CSF2RB: variants seen among roughly 807,000 people sequenced by gnomAD.
CSF2RB encodes the protein cytokine receptor common subunit beta.
CSF2RB carries 22 observed loss-of-function variants against 67.2 expected under a neutral mutation model. That is an observed-to-expected ratio of 0.33 (90% confidence interval 0.23 to 0.47). The LOEUF (loss-of-function observed/expected upper bound fraction) is 0.47, where lower values mean the gene tolerates loss of function less well. Ranked by LOEUF, CSF2RB falls within the 20% of genes least tolerant of loss-of-function variation. The pLI is 1.00. For missense variants in CSF2RB, 1,113 were observed against 1,174.5 expected (o/e 0.95, Z 0.76); for synonymous variants, 507 against 482.9 (o/e 1.05, Z -0.65).
chr22:36,936,416 C>G (rs531325406), intron 12 of CSF2RB, 133 bp from the exon 13 acceptor site: 154 of 743,634 alleles, frequency 2.1e-4, no homozygotes, highest in African/African-American at 1.1e-3. Context: ...AGGCCGTGGC[C>G]AGTCCTGAAG....
rs2145832086 is a variant in CSF2RB at position 36,939,450 on chromosome 22, C to T, written c.*948C>T. On this transcript the variant is annotated 3_prime_UTR_variant, in exon 14 of 14. Coordinates refer to ENST00000403662, the MANE Select transcript of CSF2RB (RefSeq NM_000395.3). ...CTTCCAGATAGACCAGGCAACTCTCCCTCCCACCGGCCACAGATGAGGGGC... is the reference window on the plus strand; with the variant it reads ...CTTCCAGATAGACCAGGCAACTCTCTCTCCCACCGGCCACAGATGAGGGGC... 1.8e-6 allele frequency: 1 copy of T among 559,292 alleles called. No homozygotes were observed. Among genetic ancestry groups the T allele is most frequent in the Admixed American group, 3.0e-5 (1 of 33,180 alleles). The allele number at this position is 559,292 out of a possible 1,614,324, so 34.6% of individuals were successfully genotyped here. A position where few individuals can be genotyped will look rare whatever the true frequency, so the allele number is the denominator to read the frequency against.
intron 13 of CSF2RB, 58 bp downstream of exon 13, chr22:36,936,710 A>T: frequency 6.9e-7 from 1 of 1,457,384 alleles, no homozygotes; most frequent in Non-Finnish European, 9.5e-7. Context: ...GGCTGACTCC[A>T]TTGTGGAAAT....
intron 6 of CSF2RB, 73 bp downstream of exon 6, chr22:36,929,880 G>A (rs1252130074): frequency 1.9e-6 from 3 of 1,548,084 alleles, no homozygotes; most frequent in Non-Finnish European, 2.6e-6. Flanking sequence ...GGCACAGCAG[G>A]GTTCCTGGGC....
At position 36,938,305 on chromosome 22, in the gene CSF2RB, C is replaced by G. The variant is rs1295620200; in HGVS notation, c.2497C>G (p.Leu833Val). 1.2e-6 allele frequency: 2 copies of G among 1,614,250 alleles called. No homozygotes were observed. The highest frequency in any genetic ancestry group is 1.7e-6 in the Non-Finnish European group (2 of 1,180,040). Residue 833 changes from leucine to valine, a missense_variant, in exon 14 of 14, where the codon CTC becomes GTC. By Grantham distance (32) the Leu-to-Val change is conservative. Transcript: ENST00000403662. ...CFLPGLGPGP[L>V]SLRSKPSSPG... ...CCTCCCCGGCCTGGGGCCCGGCCCT[C>G]TCTCGCTCCGGAGTAAACCTTCTTC... is the stretch of plus-strand genomic sequence containing the variant.
rs1480686809 is a variant in CSF2RB, at chr22:36,937,215, G to A, written c.1569-162G>A. Among the ~76,000 whole-genome samples the A allele has an allele frequency of 6.6e-6, 1 of 152,032 alleles. No homozygotes were observed. The highest frequency in any genetic ancestry group is 2.4e-5 in the African/African-American group (1 of 41,376). On this transcript the variant is annotated intron_variant, in intron 13 of 13. Transcript: ENST00000403662. This position sits in a 1 kb window ranked among gnomAD's most constrained non-coding sequence, Gnocchi z 4.6. ...TCCATGTCCCATGTCCTTCTCTGGG[G>A]CCCCTGCTCCCTCAACCCTGTCCCG...
chr22:36,923,248 C>T lies in CSF2RB; in HGVS notation c.81C>T (p.Thr27=), dbSNP rs1212725780. The T allele has an allele frequency of 3.1e-6, 5 of 1,614,078 alleles. No homozygotes were observed. The highest frequency in any genetic ancestry group is 3.4e-6 in the Non-Finnish European group (4 of 1,180,038). ...CCCTTCTACCCCTCTTGTCAGAAAC[C>T]ATCCCGCTGCAGACCCTGCGCTGCT... ...WERSLAGAEE[T]IPLQTLRCYN... The change falls in exon 3 of 14, where the codon ACC becomes ACT. Residue 27 remains threonine, a synonymous_variant. Coordinates refer to ENST00000403662, the MANE Select transcript of CSF2RB (RefSeq NM_000395.3).
chr22:36,930,657 C>A lies in CSF2RB; in HGVS notation c.855-16C>A. 6.2e-7 allele frequency: 1 copy of A among 1,612,236 alleles called. No individual in the cohort carries two copies. The highest frequency in any genetic ancestry group is 1.3e-5 in the African/African-American group (1 of 75,002). The stretch of plus-strand genomic sequence containing the variant: ...GCCCTCCCTCTCCCTGCCCTCAGCT[C>A]TGCTGTGCTCCTCAGGGAGGAAGAG... On this transcript the variant is annotated splice_polypyrimidine_tract_variant and intron_variant, in intron 7 of 13. Transcript: ENST00000403662.
In CSF2RB at chr22:36,938,255, T is replaced by C. The variant is rs1329832643; in HGVS notation, c.2447T>C (p.Leu816Pro). 6.2e-7 allele frequency: 1 copy of C among 1,614,172 alleles called. No homozygotes were observed. Among genetic ancestry groups the C allele is most frequent in the East Asian group, 2.2e-5 (1 of 44,886 alleles). Residue 816 changes from leucine to proline, a missense_variant, in exon 14 of 14, where the codon CTG becomes CCG. Physicochemically the swap from Leu to Pro is moderately conservative, Grantham distance 98 (BLOSUM62 -3). Around this residue, in one of 2 missense-constraint regions of CSF2RB, gnomAD observed 554 missense variants for 517.9 expected, o/e 1.07. Transcript: ENST00000403662. ...TSPQPEGLLV[L>P]QQVGDYCFLP... ...CCACAGCCCGAGGGCCTCCTTGTCC[T>C]GCAGCAAGTGGGCGACTATTGCTTC...
intron 6 of CSF2RB, 95 bp downstream of exon 6, chr22:36,929,902 G>C (rs1427954602): frequency 6.7e-7 from 1 of 1,484,648 alleles, no homozygotes; most frequent in Non-Finnish European, 9.1e-7. Context: ...CCACCTGGGG[G>C]CTTCCCAGAT....
chr22:36,915,305 G>A (rs1057032766), intron 1 of CSF2RB, among the ~76,000 whole-genome samples: 4 of 151,958 alleles, frequency 2.6e-5, no homozygotes, highest in African/African-American at 4.8e-5. Context: ...GGCTGGTCTC[G>A]AACTCCTGAC....
In CSF2RB at chr22:36,939,149, G is replaced by C. The variant is rs995555345; in HGVS notation, c.*647G>C. ...TTGGGGGTCGGGGGGGCGGTGCAAG[G>C]GACGCACATGAGAGACTGTTTGGGA... On this transcript the variant is annotated 3_prime_UTR_variant, in exon 14 of 14. Coordinates refer to ENST00000403662, the MANE Select transcript of CSF2RB (RefSeq NM_000395.3). The C allele has an allele frequency of 1.4e-6, 1 of 702,264 alleles. No individual in the cohort carries two copies. The highest frequency in any genetic ancestry group is 2.6e-6 in the Non-Finnish European group (1 of 384,808). 43.5% of individuals were successfully genotyped at this position (702,264 alleles called of 1,614,324 possible). A position where few individuals can be genotyped will look rare whatever the true frequency, so the allele number is the denominator to read the frequency against.
In CSF2RB at chr22:36,937,295, C is replaced by G. The variant is rs1168968526; in HGVS notation, c.1569-82C>G. 2 of 1,541,088 alleles carry G rather than the reference C, an allele frequency of 1.3e-6. No individual in the cohort carries two copies. The highest frequency in any genetic ancestry group is 1.7e-5 in the Admixed American group (1 of 59,486). On this transcript the variant is annotated intron_variant, in intron 13 of 13. Transcript: ENST00000403662. This position sits in a 1 kb window ranked among gnomAD's most constrained non-coding sequence, Gnocchi z 4.6. Reference sequence around the variant, plus strand: ...CATCAGGGCTTCCAGAGAACCATCTCCACCCCACCAAGACCCTTGTGCCTG... The same window carrying G: ...CATCAGGGCTTCCAGAGAACCATCTGCACCCCACCAAGACCCTTGTGCCTG...
chr22:36,923,324 G>A lies in CSF2RB; in HGVS notation c.157G>A (p.Ala53Thr). Residue 53 changes from alanine to threonine, a missense_variant, in exon 3 of 14, where the codon GCC becomes ACC. Ala to Thr is a moderately conservative substitution (Grantham distance 58). This residue lies in a region of CSF2RB where 559 missense variants were observed against 656.5 expected (regional missense o/e 0.85). Coordinates refer to ENST00000403662, the MANE Select transcript of CSF2RB (RefSeq NM_000395.3). ...ITCRWADTQD[A>T]QRLVNVTLIR... The stretch of plus-strand genomic sequence containing the variant: ...CTGCAGGTGGGCAGACACCCAGGAT[G>A]CCCAGCGGCTCGTCAACGTGACCCT... 1 of 1,614,210 alleles carries A rather than the reference G, an allele frequency of 6.2e-7. No individual in the cohort carries two copies. Among genetic ancestry groups the A allele is most frequent in the African/African-American group, 1.3e-5 (1 of 75,052 alleles).
rs145721314 is a variant in CSF2RB at position 36,937,854 on chromosome 22, G to A, written c.2046G>A (p.Arg682=). 2 of 1,613,782 alleles carry A rather than the reference G, an allele frequency of 1.2e-6. No individual in the cohort carries two copies. The highest frequency in any genetic ancestry group is 2.2e-5 in the South Asian group (2 of 91,042). ...CTGCCCCTCCTGCTCTTGGGCCAAGGGTGGGAGGACAGGACCAAAAGGACA... is the reference window on the plus strand; with the variant it reads ...CTGCCCCTCCTGCTCTTGGGCCAAGAGTGGGAGGACAGGACCAAAAGGACA... ...GGPAPPALGP[R]VGGQDQKDSP... is the part of the protein sequence containing the mutation. Residue 682 remains arginine, a synonymous_variant, in exon 14 of 14, where the codon AGG becomes AGA. Transcript: ENST00000403662. The surrounding 1 kb of genome is among the most constrained non-coding windows in gnomAD (Gnocchi z 4.6).
intron 1 of CSF2RB, among the ~76,000 whole-genome samples, chr22:36,914,578 G>C (rs140477504): frequency 2.0e-5 from 3 of 152,220 alleles, no homozygotes; most frequent in Non-Finnish European, 4.4e-5. Context: ...GTGCAGGTGT[G>C]TGTACTGGCC....
rs1941342712 is a variant in CSF2RB, at chr22:36,939,416, G to A, written c.*914G>A. The A allele has an allele frequency of 3.3e-6, 2 of 605,990 alleles. No individual in the cohort carries two copies. Among genetic ancestry groups the A allele is most frequent in the African/African-American group, 3.7e-5 (2 of 54,250 alleles). 37.5% of individuals were successfully genotyped at this position (605,990 alleles called of 1,614,324 possible). A position where few individuals can be genotyped will look rare whatever the true frequency, so the allele number is the denominator to read the frequency against. On this transcript the variant is annotated 3_prime_UTR_variant, in exon 14 of 14. Transcript: ENST00000403662. ...AGGGCCTTTGGTCCAAATGGCCCGG[G>A]TGGCCACTCTTCCAGATAGACCAGG...
intron 3 of CSF2RB, 31 bp from the exon 4 acceptor site, chr22:36,925,955 AC>A: frequency 1.2e-6 from 2 of 1,613,108 alleles, no homozygotes; most frequent in Admixed American, 3.3e-5. Context: ...ATACCCATAC[AC>A]CCTGGGCTAA....
chr22:36,933,443 C>T (rs1941199664), intron 9 of CSF2RB, among the ~76,000 whole-genome samples: 1 of 152,220 alleles, frequency 6.6e-6, no homozygotes, highest in African/African-American at 2.4e-5. Context: ...GGAGCGGGCC[C>T]TGGGGTCCTG....
chr22:36,918,174 T>C (rs1185954520), intron 1 of CSF2RB, among the ~76,000 whole-genome samples: 1 of 152,228 alleles, frequency 6.6e-6, no homozygotes, highest in Non-Finnish European at 1.5e-5. Flanking sequence ...TTCTTGGATT[T>C]TTTTTTCCTG....
Sources: allele counts gnomAD v4.1 joint callset (sites outside exome capture counted in the v4.1 genomes callset), GRCh38; gene constraint gnomAD v4.1.1; regional missense constraint gnomAD v4.1.1; non-coding constraint Gnocchi (gnomAD v3.1); transcripts MANE v1.5; gene names NCBI Gene and HGNC (gene_info 2026-07-23, HGNC 2026-07-21).